EXOC4: variants seen among roughly 807,000 people sequenced by gnomAD.
EXOC4 encodes SEC8-like 1.
Under a neutral mutation model 107.2 loss-of-function variants are expected in EXOC4, and 71 were observed. The observed-to-expected ratio is 0.66, with a 90% confidence interval of 0.55 to 0.81. The LOEUF (loss-of-function observed/expected upper bound fraction) is 0.81. Among genes scored for constraint, EXOC4 ranks in the 30% least tolerant of loss-of-function variants. The pLI is 0.00. For synonymous variants in EXOC4, 456 were observed against 441.2 expected (o/e 1.03, Z -0.42); for missense variants, 1,108 against 1,189.6 (o/e 0.93, Z 1.01).
chr7:134,093,943 A>G, the EXOC4 span, among the ~76,000 whole-genome samples: 1 of 152,222 alleles, frequency 6.6e-6, no homozygotes, highest in Non-Finnish European at 1.5e-5. Context: ...GAAAGTTTAT[A>G]ACACTAAATG....
intron 9 of EXOC4, among the ~76,000 whole-genome samples, chr7:133,482,577 T>C (rs1341221133): frequency 6.6e-6 from 1 of 152,144 alleles, no homozygotes; most frequent in African/African-American, 2.4e-5. Flanking sequence ...TAGGTGGCTC[T>C]GGGCCCAAGT....
chr7:133,681,834 T>G (rs1163594142), intron 10 of EXOC4, among the ~76,000 whole-genome samples: 2 of 152,060 alleles, frequency 1.3e-5, no homozygotes, highest in Non-Finnish European at 2.9e-5. Context: ...GTTGTAAGGA[T>G]TAAATAAATT....
At chr7:133,925,982 T>G (rs2116674737) in intron 13 of EXOC4, among the ~76,000 whole-genome samples, 1 of 144,184 alleles carries the variant, frequency 6.9e-6, no homozygotes, top group East Asian at 2.0e-4. Flanking sequence ...GAAGTTGCAG[T>G]GAGCCGAGAT....
chr7:133,376,345 A>G (rs776544899), intron 7 of EXOC4, among the ~76,000 whole-genome samples: 4 of 152,186 alleles, frequency 2.6e-5, no homozygotes, highest in Admixed American at 1.3e-4. Flanking sequence ...AACATTTTGC[A>G]TGTTGATATG....
chr7:133,618,854 T>TAC (rs896338914), intron 9 of EXOC4, among the ~76,000 whole-genome samples: 8 of 152,174 alleles, frequency 5.3e-5, no homozygotes, highest in Non-Finnish European at 1.2e-4. Context: ...ATAGTAAATG[T>TAC]ACAACAAGTA....
chr7:133,578,717 G>A (rs1320682847), intron 9 of EXOC4, among the ~76,000 whole-genome samples: 2 of 152,162 alleles, frequency 1.3e-5, no homozygotes, highest in African/African-American at 4.8e-5. Flanking sequence ...AATGTTCTTT[G>A]CAGTGTTACA....
At chr7:133,972,724 T>C (rs1476872237) in intron 14 of EXOC4, among the ~76,000 whole-genome samples, 1 of 152,170 alleles carries the variant, frequency 6.6e-6, no homozygotes, top group African/African-American at 2.4e-5. Flanking sequence ...AATTTTTTGG[T>C]AATTTTGTGT....
chr7:134,034,085 T>C (rs2116490542), intron 17 of EXOC4, among the ~76,000 whole-genome samples: 1 of 152,312 alleles, frequency 6.6e-6, no homozygotes, highest in South Asian at 2.1e-4. Context: ...AAAAGAGACT[T>C]GATCCAGCTC....
At chr7:133,814,342 A>C (rs2550991) in intron 10 of EXOC4, among the ~76,000 whole-genome samples, 132,052 of 152,118 alleles carry the variant, frequency 0.87, 57,484 homozygotes, top group East Asian at 0.99. Context: ...TTAGTACATC[A>C]AAAGTTTCCA....
chr7:133,676,943 GTGTGTGTGTGTGTA>G lies in EXOC4; in HGVS notation c.1514+46816_1514+46829del, dbSNP rs1428136691. On this transcript the variant is annotated intron_variant, in intron 10 of 17. Transcript: ENST00000253861. Reference sequence around the variant, plus strand: ...TAGTAAACTCTGTGTGTGTGTGTGTGTGTGTGTGTGTGTATGTGTGTGTGTGTGTGTGTGTTGAG... The same window carrying G: ...TAGTAAACTCTGTGTGTGTGTGTGTGTGTGTGTGTGTGTGTGTGTGTTGAG... Among the ~76,000 whole-genome samples, 215 of 82,384 alleles carry G rather than the reference GTGTGTGTGTGTGTA, an allele frequency of 2.6e-3. 1 individual carries two copies. Among genetic ancestry groups the G allele is most frequent in the East Asian group, 0.01 (24 of 2,388 alleles). The allele number at this position is 82,384 out of a possible 152,430, so 54.0% of individuals were successfully genotyped here. A position where few individuals can be genotyped will look rare whatever the true frequency, so the allele number is the denominator to read the frequency against.
chr7:133,390,904 CA>C (rs1002360732), intron 7 of EXOC4, among the ~76,000 whole-genome samples: 1 of 152,182 alleles, frequency 6.6e-6, no homozygotes, highest in Non-Finnish European at 1.5e-5. Context: ...TGTTTGCTAT[CA>C]AATCTATACC....
intron 1 of EXOC4, among the ~76,000 whole-genome samples, chr7:133,273,678 G>C (rs953531161): frequency 5.3e-5 from 8 of 152,170 alleles, no homozygotes; most frequent in Non-Finnish European, 7.3e-5. Flanking sequence ...TTTATATACT[G>C]TGTGGCTCAT....
rs895336490 is a variant in EXOC4, at chr7:133,394,700, A to G, written c.1182+19698A>G. ...TTTGCATAATCAAAGAATTAAACAT[A>G]AAAGTCATATTAATTTTCAGCTTCA... On this transcript the variant is annotated intron_variant, in intron 7 of 17. Coordinates refer to ENST00000253861, the MANE Select transcript of EXOC4 (RefSeq NM_021807.4). Among the ~76,000 whole-genome samples the G allele has an allele frequency of 3.1e-4, 47 of 152,224 alleles. 1 individual carries two copies. Among genetic ancestry groups the G allele is most frequent in the African/African-American group, 1.1e-3 (47 of 41,452 alleles).
At position 133,380,922 on chromosome 7, in the gene EXOC4, G is replaced by A. The variant is rs561138454; in HGVS notation, c.1182+5920G>A. On this transcript the variant is annotated intron_variant, in intron 7 of 17. Coordinates refer to ENST00000253861, the MANE Select transcript of EXOC4 (RefSeq NM_021807.4). ...TTAATTGCTCTGAGGCCAAGATATGGCAGTGTTCTTTGCATTTTTGCTTGC... is the reference window on the plus strand; with the variant it reads ...TTAATTGCTCTGAGGCCAAGATATGACAGTGTTCTTTGCATTTTTGCTTGC... Among the ~76,000 whole-genome samples the A allele has an allele frequency of 3.9e-5, 6 of 152,254 alleles. No homozygotes were observed. The South Asian group carries it at 1.2e-3, about 32-fold the overall frequency.
At chr7:133,522,638 G>C (rs2150911836) in intron 9 of EXOC4, among the ~76,000 whole-genome samples, 1 of 152,234 alleles carries the variant, frequency 6.6e-6, no homozygotes, top group East Asian at 1.9e-4. Flanking sequence ...AATCATAATT[G>C]TGTGTGCAGA....
intron 14 of EXOC4, among the ~76,000 whole-genome samples, chr7:133,940,777 ATT>A (rs112795844): frequency 2.4e-4 from 36 of 147,028 alleles, no homozygotes; most frequent in Non-Finnish European, 3.3e-4. Context: ...GCTTTTTATT[ATT>A]TTTTTTTTTT....
chr7:133,340,938 C>G (rs1048285122), intron 5 of EXOC4, among the ~76,000 whole-genome samples: 2 of 151,916 alleles, frequency 1.3e-5, no homozygotes, highest in Non-Finnish European at 2.9e-5. Flanking sequence ...TGCTAATGGT[C>G]TATAAATTTT....
intron 9 of EXOC4, among the ~76,000 whole-genome samples, chr7:133,565,132 T>G (rs944005664): frequency 1.3e-5 from 2 of 152,126 alleles, no homozygotes; most frequent in African/African-American, 4.8e-5. Context: ...TGGATTGAGG[T>G]TCAGGGGAAC....
intron 10 of EXOC4, among the ~76,000 whole-genome samples, chr7:133,807,039 G>A (rs764957752): frequency 2.6e-5 from 4 of 152,114 alleles, no homozygotes; most frequent in African/African-American, 9.7e-5. Context: ...AATGCAGATC[G>A]AAAATACAGC....
Sources: allele counts gnomAD v4.1 joint callset (sites outside exome capture counted in the v4.1 genomes callset), GRCh38; gene constraint gnomAD v4.1.1; transcripts MANE v1.5; gene names NCBI Gene and HGNC (gene_info 2026-07-23, HGNC 2026-07-21).